Variants in GAP43 observed in about 807,000 individuals in gnomAD.
The protein encoded by GAP43 is growth associated protein 43.
Under a neutral mutation model 18.6 loss-of-function variants are expected in GAP43, and 6 were observed. The ratio of observed to expected loss-of-function variants is 0.32; its 90% CI spans 0.18 to 0.64. GAP43 has a LOEUF of 0.64. Among genes scored for constraint, GAP43 ranks in the 30% least tolerant of loss-of-function variants. The pLI is 0.78. For missense variants in GAP43, 292 were observed against 295.5 expected (o/e 0.99, Z 0.09); for synonymous variants, 115 against 111.4 (o/e 1.03, Z -0.20).
intron 1 of GAP43, chr3:115,663,813 C>A: frequency 6.4e-7 from 1 of 1,551,870 alleles, no homozygotes; most frequent in East Asian, 2.4e-5. Flanking sequence ...TGCCACCCCG[C>A]ACTCCACTTT....
chr3:115,716,843 C>T (rs1274442929), intron 2 of GAP43, among the ~76,000 whole-genome samples: 3 of 141,944 alleles, frequency 2.1e-5, no homozygotes, highest in East Asian at 2.1e-4. Context: ...GCCATCTAAT[C>T]GAGTTTCATC....
At chr3:115,678,352 A>T (rs1708919626) in intron 2 of GAP43, among the ~76,000 whole-genome samples, 1 of 152,232 alleles carries the variant, frequency 6.6e-6, no homozygotes, top group African/African-American at 2.4e-5. Flanking sequence ...TGTGGGAAAC[A>T]GAGAAATGAT....
intron 2 of GAP43, 112 bp from the exon 3 acceptor site, chr3:115,720,682 C>G: frequency 1.5e-6 from 1 of 650,554 alleles, no homozygotes; most frequent in South Asian, 1.9e-5. Context: ...AATCTTAATG[C>G]TCTTATGAAA....
At chr3:115,627,011 A>G (rs1331022238) in intron 1 of GAP43, among the ~76,000 whole-genome samples, 2 of 147,066 alleles carry the variant, frequency 1.4e-5, no homozygotes, top group African/African-American at 5.0e-5. Context: ...AAGCTGAGCC[A>G]TTTTACTTAA....
At chr3:115,642,886 G>C (rs895614555) in intron 1 of GAP43, among the ~76,000 whole-genome samples, 1 of 151,938 alleles carries the variant, frequency 6.6e-6, no homozygotes, top group South Asian at 2.1e-4. Flanking sequence ...TGGATTTTAG[G>C]GGTATATGTG....
At chr3:115,626,607 T>C (rs1243924241) in intron 1 of GAP43, among the ~76,000 whole-genome samples, 1 of 152,180 alleles carries the variant, frequency 6.6e-6, no homozygotes, top group Non-Finnish European at 1.5e-5. Flanking sequence ...TTAATTGCCA[T>C]GTGTATTGCA....
In GAP43 at chr3:115,658,799, G is replaced by T. The variant is rs1187475413; in HGVS notation, c.31-17214G>T. On this transcript the variant is annotated intron_variant, in intron 1 of 2. Transcript: ENST00000305124. ...TAATTGCTTCTTTCAGGGGCTTGGAGAACAAAAGCGTCAGCCCAGGGCCCC... is the reference window on the plus strand; with the variant it reads ...TAATTGCTTCTTTCAGGGGCTTGGATAACAAAAGCGTCAGCCCAGGGCCCC... 3.9e-5 allele frequency: 6 copies of T among 152,282 alleles called. No individual in the cohort carries two copies. The East Asian group carries it at 1.2e-3, about 29-fold the overall frequency. The allele number at this position is 152,282 out of a possible 1,614,324, so 9.4% of individuals were successfully genotyped here.
intron 2 of GAP43, among the ~76,000 whole-genome samples, chr3:115,716,752 ATATATATATATAT>A: frequency 7.8e-6 from 1 of 128,654 alleles, no homozygotes; most frequent in African/African-American, 2.9e-5. Context: ...ATATATATAT[ATATATATATATAT>A]ATACAGAGAG....
intron 2 of GAP43, among the ~76,000 whole-genome samples, chr3:115,680,919 A>G (rs187319289): frequency 1.1e-4 from 17 of 152,340 alleles, no homozygotes; most frequent in Non-Finnish European, 7.3e-5. Context: ...CACTTCTACC[A>G]AGCTGTGTGT....
chr3:115,658,497 G>A (rs1708614817), intron 1 of GAP43: 2 of 152,048 alleles, frequency 1.3e-5, no homozygotes, highest in Admixed American at 1.3e-4. Context: ...GTTTCTCCCC[G>A]GCTGCCGTCA....
At chr3:115,708,561 C>CGA (rs1421157396) in intron 2 of GAP43, among the ~76,000 whole-genome samples, 1 of 152,142 alleles carries the variant, frequency 6.6e-6, no homozygotes, top group East Asian at 1.9e-4. Context: ...CAGGCAAAGA[C>CGA]GAGAGTTCAG....
At chr3:115,664,801 C>G (rs1708711427) in intron 1 of GAP43, among the ~76,000 whole-genome samples, 1 of 152,166 alleles carries the variant, frequency 6.6e-6, no homozygotes, top group South Asian at 2.1e-4. Context: ...AACTGTCCAG[C>G]AGCTTGGGGA....
At chr3:115,705,210 C>G (rs1404726299) in intron 2 of GAP43, among the ~76,000 whole-genome samples, 1 of 152,088 alleles carries the variant, frequency 6.6e-6, no homozygotes, top group Non-Finnish European at 1.5e-5. Context: ...GTTACCCAAG[C>G]AGTAGATATA....
intron 2 of GAP43, among the ~76,000 whole-genome samples, chr3:115,694,795 T>C (rs1373630795): frequency 1.3e-5 from 2 of 152,250 alleles, no homozygotes; most frequent in Admixed American, 6.5e-5. Context: ...CCAGTGTTAA[T>C]TGGGGAATGA....
intron 1 of GAP43, among the ~76,000 whole-genome samples, chr3:115,627,218 G>C (rs369861637): frequency 6.8e-6 from 1 of 147,898 alleles, no homozygotes; most frequent in Non-Finnish European, 1.5e-5. Context: ...TTCATTTCTG[G>C]TGACTCTATA....
intron 2 of GAP43, among the ~76,000 whole-genome samples, chr3:115,716,937 A>G (rs1709516791): frequency 6.6e-6 from 1 of 151,772 alleles, no homozygotes; most frequent in Non-Finnish European, 1.5e-5. Context: ...CTAAAACCCT[A>G]TGGACTCTAG....
At chr3:115,640,034 T>G (rs188037088) in intron 1 of GAP43, among the ~76,000 whole-genome samples, 325 of 152,158 alleles carry the variant, frequency 2.1e-3, no homozygotes, top group African/African-American at 7.5e-3. Context: ...CTTGGATTTA[T>G]TTTTTTCAGG....
At chr3:115,716,725 T>A (rs1482339756) in intron 2 of GAP43, among the ~76,000 whole-genome samples, 1 of 47,434 alleles carries the variant, frequency 2.1e-5, no homozygotes. Flanking sequence ...CAAATATATA[T>A]ATATATATAT....
intron 1 of GAP43, chr3:115,663,627 G>A (rs77127314): frequency 6.0e-6 from 8 of 1,344,180 alleles, no homozygotes; most frequent in Admixed American, 7.1e-5. Context: ...CCTGGGTGAC[G>A]AGGTCATAAC....
Sources: gnomAD v4.1 joint callset for allele counts (sites outside exome capture counted in the v4.1 genomes callset) on GRCh38, gnomAD v4.1.1 for gene constraint, MANE v1.5 for transcripts, NCBI Gene and HGNC (gene_info 2026-07-23, HGNC 2026-07-21) for gene names.